SCN11A: variants seen among roughly 807,000 people sequenced by gnomAD.
SCN11A encodes the protein sodium voltage-gated channel alpha subunit 11.
Under a neutral mutation model 162.2 loss-of-function variants are expected in SCN11A, and 122 were observed. The observed-to-expected ratio is 0.75, with a 90% CI of 0.65 to 0.87. The LOEUF (loss-of-function observed/expected upper bound fraction) is 0.87. SCN11A is among the 40% of genes least tolerant of loss of function. The pLI, the probability that SCN11A is intolerant of heterozygous loss-of-function variation, is 0.00. For missense variants in SCN11A, 2,015 were observed against 2,181.6 expected, an observed-to-expected ratio of 0.92 and a Z score of 1.52; for synonymous variants, 758 against 751.5, an observed-to-expected ratio of 1.01 and a Z score of -0.14.
At position 38,987,303 on chromosome 3, in the gene SCN11A, TCACACACACA is replaced by T. The variant is rs57092499; in HGVS notation, c.-279-26890_-279-26881del. 6.3e-3 allele frequency among the ~76,000 whole-genome samples: 655 copies of T among 104,454 alleles called. 15 individuals are homozygous for T. The highest frequency in any genetic ancestry group is 0.063 in the East Asian group (230 of 3,672). 68.5% of individuals were successfully genotyped at this position (104,454 alleles called of 152,430 possible). Reference sequence around the variant, plus strand: ...TTCTCTCTCTCTCTCTCTCTCTCTCTCACACACACACACACACACACACACACACACACAC... The same window carrying T: ...TTCTCTCTCTCTCTCTCTCTCTCTCTCACACACACACACACACACACACAC... On this transcript the variant is annotated intron_variant, in intron 2 of 29. Transcript: ENST00000302328.
intron 2 of SCN11A, among the ~76,000 whole-genome samples, chr3:38,998,893 A>C (rs1325116680): frequency 1.7e-5 from 2 of 118,196 alleles, no homozygotes; most frequent in African/African-American, 3.3e-5. Flanking sequence ...AACATCACAC[A>C]CCGGGGCCTG....
chr3:38,890,391 T>C (rs1486164798), intron 19 of SCN11A, among the ~76,000 whole-genome samples: 2 of 152,228 alleles, frequency 1.3e-5, no homozygotes, highest in Non-Finnish European at 2.9e-5. Context: ...AAGAGTGTTC[T>C]TGAAAACAAT....
At chr3:38,983,044 T>C (rs2030116150) in intron 2 of SCN11A, among the ~76,000 whole-genome samples, 1 of 152,164 alleles carries the variant, frequency 6.6e-6, no homozygotes, top group Non-Finnish European at 1.5e-5. Context: ...CAATGTTGAG[T>C]ATGAGTCCAA....
At chr3:38,882,646 T>TG (rs2126106003) in intron 22 of SCN11A, among the ~76,000 whole-genome samples, 1 of 151,640 alleles carries the variant, frequency 6.6e-6, no homozygotes, top group Admixed American at 6.6e-5. Context: ...CATAAAGGAG[T>TG]GGATAGCTCT....
chr3:38,956,356 A>G lies in SCN11A; in HGVS notation c.-138-2597T>C, dbSNP rs572485638. 2.0e-5 allele frequency among the ~76,000 whole-genome samples: 3 copies of G among 152,376 alleles called. No individual in the cohort carries two copies. In the South Asian group the frequency reaches 6.2e-4, roughly 32 times the overall value. ...TAAAGAAAATTTTATGTAACAAAAAATATGTTTCAGAAAATGGTTTTTCCA... is the reference window on the plus strand; with the variant it reads ...TAAAGAAAATTTTATGTAACAAAAAGTATGTTTCAGAAAATGGTTTTTCCA... On this transcript the variant is annotated intron_variant, in intron 3 of 29. Transcript: ENST00000302328.
At chr3:38,945,104 C>T (rs2066496574) in intron 7 of SCN11A, among the ~76,000 whole-genome samples, 1 of 152,170 alleles carries the variant, frequency 6.6e-6, no homozygotes, top group African/African-American at 2.4e-5. Context: ...GACAATGTTA[C>T]AATCTACTAA....
At chr3:38,900,606 A>C (rs1230178517) in intron 16 of SCN11A, among the ~76,000 whole-genome samples, 4 of 149,198 alleles carry the variant, frequency 2.7e-5, no homozygotes, top group Admixed American at 2.6e-4. Context: ...AGATCATAGA[A>C]TTAGAAAACA....
chr3:38,980,398 G>A (rs1487711913), intron 2 of SCN11A, among the ~76,000 whole-genome samples: 2 of 152,180 alleles, frequency 1.3e-5, no homozygotes, highest in African/African-American at 4.8e-5. Flanking sequence ...AGGAAGGGAA[G>A]TTAATGGGGA....
At position 38,847,082 on chromosome 3, in the gene SCN11A, T is replaced by C. The variant is rs2064681527; in HGVS notation, c.4988A>G (p.Asn1663Ser). 2 of 1,614,184 alleles carry C rather than the reference T, an allele frequency of 1.2e-6. No individual in the cohort carries two copies. Among genetic ancestry groups the C allele is most frequent in the Non-Finnish European group, 1.7e-6 (2 of 1,180,042 alleles). Residue 1663 changes from asparagine (N) to serine (S), a missense_variant, in exon 30 of 30, where the codon AAT becomes AGT. Asn to Ser is a conservative substitution (Grantham distance 46). Coordinates refer to ENST00000302328, the MANE Select transcript of SCN11A (RefSeq NM_001349253.2). Reference sequence around the variant, plus strand: ...GTCCATTACTAGAAATTGATATTTATTTGGCTTTGCGACACGCAAAGGCTC... The same window carrying C: ...GTCCATTACTAGAAATTGATATTTACTTGGCTTTGCGACACGCAAAGGCTC... ...LPEPLRVAKP[N>S]KYQFLVMDLP... is the part of the protein sequence containing the mutation.
chr3:38,920,930 T>C, intron 10 of SCN11A, 146 bp downstream of exon 10: 1 of 732,924 alleles, frequency 1.4e-6, no homozygotes, highest in South Asian at 1.8e-5. Flanking sequence ...AGGAAATGCA[T>C]CTGCCCACAG....
intron 2 of SCN11A, among the ~76,000 whole-genome samples, chr3:38,987,305 A>T (rs28501975): frequency 0.018 from 1,162 of 64,680 alleles, 5 homozygotes; most frequent in East Asian, 0.03. Flanking sequence ...TCTCTCTCTC[A>T]CACACACACA....
At chr3:38,863,783 G>A (rs1228370028) in intron 27 of SCN11A, among the ~76,000 whole-genome samples, 1 of 152,040 alleles carries the variant, frequency 6.6e-6, no homozygotes. Flanking sequence ...TTTCACTACT[G>A]AGCAAGAAAG....
chr3:38,984,063 T>C (rs565766092), intron 2 of SCN11A, among the ~76,000 whole-genome samples: 1 of 152,342 alleles, frequency 6.6e-6, no homozygotes, highest in Admixed American at 6.5e-5. Context: ...ACACCAGTCA[T>C]CCTTCTACAG....
At chr3:38,878,124 C>G (rs1216422706) in intron 23 of SCN11A, among the ~76,000 whole-genome samples, 1 of 151,676 alleles carries the variant, frequency 6.6e-6, no homozygotes, top group Non-Finnish European at 1.5e-5. Flanking sequence ...ATAACTTATT[C>G]AGGTAACCAA....
chr3:38,846,380 G>A lies in SCN11A; in HGVS notation c.*314C>T. ...ACCTGCCTTGGCCTCTCAAAGTGCTGGGATTACAGGCATGAGCCACTGCGC... is the reference window on the plus strand; with the variant it reads ...ACCTGCCTTGGCCTCTCAAAGTGCTAGGATTACAGGCATGAGCCACTGCGC... On this transcript the variant is annotated 3_prime_UTR_variant, in exon 30 of 30. Transcript: ENST00000302328. The A allele has an allele frequency of 7.5e-6, 2 of 265,704 alleles. No homozygotes were observed. The highest frequency in any genetic ancestry group is 7.8e-5 in the East Asian group (1 of 12,774). The allele number at this position is 265,704 out of a possible 1,614,324, so 16.5% of individuals were successfully genotyped here.
In SCN11A at chr3:39,031,546, A is replaced by C. The variant is rs188894883; in HGVS notation, c.-280+834T>G. On this transcript the variant is annotated intron_variant, in intron 2 of 29. Coordinates refer to ENST00000302328, the MANE Select transcript of SCN11A (RefSeq NM_001349253.2). ...GTCAAACAAAAAACAAACAAACAAAAAAAAAACAAACAAAGAAGGAAGGAA... is the reference window on the plus strand; with the variant it reads ...GTCAAACAAAAAACAAACAAACAAACAAAAAACAAACAAAGAAGGAAGGAA... Among the ~76,000 whole-genome samples, 249 of 152,042 alleles carry C rather than the reference A, an allele frequency of 1.6e-3. 1 individual carries two copies. In the East Asian group the frequency reaches 0.022, roughly 13 times the overall value.
rs4073113 is a variant in SCN11A, at chr3:38,904,069, A to G, written c.1638T>C (p.Cys546=). 0.66 allele frequency: 1,043,787 copies of G among 1,593,312 alleles called. 343,832 individuals are homozygous for G. Among genetic ancestry groups the G allele is most frequent in the Admixed American group, 0.69 (38,689 of 56,192 alleles). ...GGTACTTGGATGCCAGGTTTTCTCC[A>G]CAAGGGAGACAAGGCTCTTGTGATT... ...QEKSQEPCLP[C]GENLASKYLV... Residue 546 remains cysteine, a synonymous_variant, in exon 16 of 30, where the codon TGT becomes TGC. Coordinates refer to ENST00000302328, the MANE Select transcript of SCN11A (RefSeq NM_001349253.2).
At chr3:38,855,266 G>T (rs967666773) in intron 28 of SCN11A, among the ~76,000 whole-genome samples, 3 of 152,150 alleles carry the variant, frequency 2.0e-5, no homozygotes, top group African/African-American at 7.2e-5. Flanking sequence ...CCACTTCTCT[G>T]GTGATCTATA....
chr3:38,961,137 C>A (rs756887957), intron 2 of SCN11A, among the ~76,000 whole-genome samples: 25 of 152,086 alleles, frequency 1.6e-4, no homozygotes, highest in Non-Finnish European at 3.1e-4. Flanking sequence ...TAGGTGCTTA[C>A]GGGAGTGCAG....
Sources: gnomAD v4.1 joint callset for allele counts (sites outside exome capture counted in the v4.1 genomes callset) on GRCh38, gnomAD v4.1.1 for gene constraint, MANE v1.5 for transcripts, NCBI Gene and HGNC (gene_info 2026-07-23, HGNC 2026-07-21) for gene names.